The following LRRC4C variants were observed in gnomAD, a reference collection of about 807,000 sequenced individuals.
LRRC4C encodes leucine-rich repeat-containing protein 4C.
In LRRC4C, 5 loss-of-function variants were observed where a neutral mutation model predicts 33.6. The ratio of observed to expected loss-of-function variants is 0.15; its 90% CI spans 0.08 to 0.31. LRRC4C has a LOEUF of 0.31. Ranked by LOEUF, LRRC4C falls within the 10% of genes least tolerant of loss-of-function variation. The pLI is 1.00. For missense variants in LRRC4C, 560 were observed against 796.7 expected, an observed-to-expected ratio of 0.70 and a Z score of 3.58; for synonymous variants, 329 against 302.0, an observed-to-expected ratio of 1.09 and a Z score of -0.93.
chr11:40,963,236 A>G (rs1851092514), intron 1 of LRRC4C, among the ~76,000 whole-genome samples: 1 of 151,706 alleles, frequency 6.6e-6, no homozygotes, highest in Admixed American at 6.6e-5. Flanking sequence ...GTACCTAAAT[A>G]ATTTTTAATA....
At chr11:40,545,791 A>G (rs1956888386) in intron 3 of LRRC4C, among the ~76,000 whole-genome samples, 1 of 151,970 alleles carries the variant, frequency 6.6e-6, no homozygotes, top group Non-Finnish European at 1.5e-5. Flanking sequence ...GGTCAACAAA[A>G]TTATGTCAAA....
intron 1 of LRRC4C, among the ~76,000 whole-genome samples, chr11:41,095,392 T>C (rs1264834721): frequency 6.6e-6 from 1 of 152,118 alleles, no homozygotes; most frequent in Admixed American, 6.5e-5. Context: ...AGTCAAACTG[T>C]ATTAGGAGGG....
rs572755895 is a variant in LRRC4C, at chr11:41,323,848, A to G, written c.-496+135583T>C. Reference sequence around the variant, plus strand: ...TTTATATCTTAAAGGCAAATATCAAAGCAAGTATTGTATTTTTTAAATTAT... The same window carrying G: ...TTTATATCTTAAAGGCAAATATCAAGGCAAGTATTGTATTTTTTAAATTAT... On this transcript the variant is annotated intron_variant, in intron 1 of 6. Coordinates refer to ENST00000528697, the MANE Select transcript of LRRC4C (RefSeq NM_001258419.2). Among the ~76,000 whole-genome samples the G allele has an allele frequency of 3.3e-5, 5 of 152,372 alleles. No homozygotes were observed. In the South Asian group the frequency reaches 1.0e-3, roughly 32 times the overall value.
intron 1 of LRRC4C, among the ~76,000 whole-genome samples, chr11:41,296,158 G>C (rs1950135640): frequency 6.6e-6 from 1 of 152,158 alleles, no homozygotes; most frequent in African/African-American, 2.4e-5. Flanking sequence ...AATTGTGAGG[G>C]ACAGAATCTC....
At chr11:40,624,059 G>A (rs1250058847) in intron 3 of LRRC4C, among the ~76,000 whole-genome samples, 3 of 152,056 alleles carry the variant, frequency 2.0e-5, no homozygotes, top group Non-Finnish European at 4.4e-5. Flanking sequence ...TGTATCAAAA[G>A]CCACTTGCGT....
At chr11:40,349,360 G>C (rs1947280661) in intron 3 of LRRC4C, among the ~76,000 whole-genome samples, 1 of 151,894 alleles carries the variant, frequency 6.6e-6, no homozygotes. Context: ...TTAACATAAA[G>C]ACCTCCAGTT....
chr11:40,491,639 A>G (rs1954162331), intron 3 of LRRC4C, among the ~76,000 whole-genome samples: 1 of 152,174 alleles, frequency 6.6e-6, no homozygotes, highest in South Asian at 2.1e-4. Flanking sequence ...TTCAAGGATA[A>G]TGAGTGCATC....
chr11:40,893,824 C>G (rs1378428149), intron 2 of LRRC4C, among the ~76,000 whole-genome samples: 1 of 13,836 alleles, frequency 7.2e-5, no homozygotes, highest in Non-Finnish European at 7.9e-4. Context: ...TTATAACACA[C>G]ACACACACAC....
chr11:40,120,484 C>T (rs1331504876), intron 6 of LRRC4C, among the ~76,000 whole-genome samples: 1 of 152,088 alleles, frequency 6.6e-6, no homozygotes. Context: ...TTTACATATG[C>T]CCTCTCTCCC....
At chr11:40,476,336 T>TTTC (rs1440823918) in intron 3 of LRRC4C, among the ~76,000 whole-genome samples, 8 of 112,010 alleles carry the variant, frequency 7.1e-5, no homozygotes, top group African/African-American at 2.4e-4. Flanking sequence ...GCACATTTTT[T>TTTC]TTCTTCTTTT....
chr11:41,382,882 C>T (rs1953209720), intron 1 of LRRC4C, among the ~76,000 whole-genome samples: 1 of 152,048 alleles, frequency 6.6e-6, no homozygotes, highest in Non-Finnish European at 1.5e-5. Context: ...TTTTATGCCT[C>T]ACAGATCTGC....
At chr11:41,227,094 T>A (rs188639229) in intron 1 of LRRC4C, among the ~76,000 whole-genome samples, 1 of 152,156 alleles carries the variant, frequency 6.6e-6, no homozygotes, top group East Asian at 1.9e-4. Context: ...GTCACCAGCA[T>A]GTGAAACAAA....
intron 2 of LRRC4C, among the ~76,000 whole-genome samples, chr11:40,744,444 G>C (rs1271898176): frequency 6.6e-6 from 1 of 152,156 alleles, no homozygotes; most frequent in African/African-American, 2.4e-5. Flanking sequence ...TGGTGTGTTT[G>C]AAGCTCTGAA....
intron 1 of LRRC4C, among the ~76,000 whole-genome samples, chr11:40,945,278 C>A: frequency 6.6e-6 from 1 of 151,954 alleles, no homozygotes; most frequent in Non-Finnish European, 1.5e-5. Flanking sequence ...TCTCGGCCTC[C>A]CAAAGTGCTG....
At chr11:40,199,895 T>C (rs916430463) in intron 5 of LRRC4C, among the ~76,000 whole-genome samples, 1 of 152,154 alleles carries the variant, frequency 6.6e-6, no homozygotes. Context: ...GTAGGTGTTA[T>C]GTTCCACGAG....
At chr11:40,810,947 T>G (rs375876311) in intron 2 of LRRC4C, among the ~76,000 whole-genome samples, 3 of 152,290 alleles carry the variant, frequency 2.0e-5, no homozygotes, top group South Asian at 4.1e-4. Context: ...TGTCTTCCAG[T>G]GTCACTTAGA....
At chr11:40,650,154 G>T (rs190870736) in intron 2 of LRRC4C, among the ~76,000 whole-genome samples, 1 of 152,258 alleles carries the variant, frequency 6.6e-6, no homozygotes, top group African/African-American at 2.4e-5. Context: ...TAATTATGAT[G>T]AAACACCTTA....
chr11:40,218,774 T>G (rs1363893092), intron 5 of LRRC4C, among the ~76,000 whole-genome samples: 3 of 151,530 alleles, frequency 2.0e-5, no homozygotes, highest in African/African-American at 7.3e-5. Flanking sequence ...CATCCAAACC[T>G]AGGGTAGAGT....
chr11:40,720,425 T>C (rs143223163), intron 2 of LRRC4C, among the ~76,000 whole-genome samples: 1 of 152,228 alleles, frequency 6.6e-6, no homozygotes, highest in Non-Finnish European at 1.5e-5. Flanking sequence ...TGTATAGTCA[T>C]CATTTATTTG....
Sources: gnomAD v4.1 joint callset for allele counts (sites outside exome capture counted in the v4.1 genomes callset) on GRCh38, gnomAD v4.1.1 for gene constraint, MANE v1.5 for transcripts, NCBI Gene and HGNC (gene_info 2026-07-23, HGNC 2026-07-21) for gene names.